The following RREB1 variants were observed in gnomAD, a reference collection of about 807,000 sequenced individuals.
RREB1 encodes the protein ras responsive element binding protein 1.
RREB1 carries 27 observed loss-of-function variants against 117.8 expected under a neutral mutation model. That is an observed-to-expected ratio of 0.23 (90% CI 0.17 to 0.32). The LOEUF (loss-of-function observed/expected upper bound fraction) is 0.32. Ranked by LOEUF, RREB1 falls within the 10% of genes least tolerant of loss-of-function variation. The pLI, the probability that RREB1 is intolerant of heterozygous loss-of-function variation, is 1.00. For missense variants in RREB1, 2,577 were observed against 2,378.2 expected, an observed-to-expected ratio of 1.08 and a Z score of -1.74; for synonymous variants, 1,298 against 1,026.7, an observed-to-expected ratio of 1.26 and a Z score of -5.05.
At chr6:7,180,765 G>A (rs200594951) in intron 2 of RREB1, among the ~76,000 whole-genome samples, 1 of 152,224 alleles carries the variant, frequency 6.6e-6, no homozygotes, top group East Asian at 1.9e-4. Flanking sequence ...GTCACTTTTA[G>A]ATAAAGGCGT....
At chr6:7,176,249 C>T (rs1275355277) in intron 1 of RREB1, among the ~76,000 whole-genome samples, 1 of 152,154 alleles carries the variant, frequency 6.6e-6, no homozygotes, top group African/African-American at 2.4e-5. Flanking sequence ...TCTTATTTTT[C>T]CCCCTCTGTT....
In RREB1 at chr6:7,186,665, T is replaced by C. The variant is rs147497534; in HGVS notation, c.172-769T>C. On this transcript the variant is annotated intron_variant, in intron 4 of 12. Transcript: ENST00000379938. Reference sequence around the variant, plus strand: ...AAGAGGATCTGTAGCATAGGGTTAGTGAACGACATTGGCTTTTTCTGAAAA... The same window carrying C: ...AAGAGGATCTGTAGCATAGGGTTAGCGAACGACATTGGCTTTTTCTGAAAA... Among the ~76,000 whole-genome samples, 272 of 152,324 alleles carry C rather than the reference T, an allele frequency of 1.8e-3. 1 individual carries two copies. Among genetic ancestry groups the C allele is most frequent in the African/African-American group, 5.9e-3 (247 of 41,570 alleles).
intron 2 of RREB1, among the ~76,000 whole-genome samples, chr6:7,180,780 C>T (rs754584213): frequency 3.3e-4 from 50 of 152,130 alleles, no homozygotes; most frequent in Admixed American, 9.2e-4. Flanking sequence ...AGGCGTGAGA[C>T]GGGTCAAGTG....
At chr6:7,221,090 T>C (rs1349402656) in intron 8 of RREB1, among the ~76,000 whole-genome samples, 1 of 152,086 alleles carries the variant, frequency 6.6e-6, no homozygotes, top group Non-Finnish European at 1.5e-5. Flanking sequence ...TGTTTCTGGG[T>C]GGTGGTTTTC....
chr6:7,176,404 G>T (rs535466600), intron 1 of RREB1, among the ~76,000 whole-genome samples: 2 of 152,114 alleles, frequency 1.3e-5, no homozygotes, highest in African/African-American at 2.4e-5. Context: ...TGCCCTTGAC[G>T]TTATTGGAAT....
chr6:7,137,503 A>T (rs1355736420), intron 1 of RREB1, among the ~76,000 whole-genome samples: 2 of 152,250 alleles, frequency 1.3e-5, no homozygotes, highest in Admixed American at 6.5e-5. Context: ...TATGATATGC[A>T]TGCGCATTTT....
intron 6 of RREB1, among the ~76,000 whole-genome samples, chr6:7,194,018 AT>A (rs1202769681): frequency 9.2e-5 from 14 of 152,028 alleles, no homozygotes; most frequent in Non-Finnish European, 1.6e-4. Context: ...ATAGAACGTT[AT>A]TTTCAATGTT....
Position 7,164,215 on chromosome 6 carries a change from G to A in RREB1, c.-284-12440G>A, listed in dbSNP as rs943668066. 3.9e-5 allele frequency among the ~76,000 whole-genome samples: 6 copies of A among 152,286 alleles called. No homozygotes were observed. The South Asian group carries it at 1.2e-3, about 32-fold the overall frequency. ...GAAATTCAGATTGTGGACTCATTCT[G>A]TAAGCTGGCTTCTGTTCCTCACCTC... is the stretch of plus-strand genomic sequence containing the variant. On this transcript the variant is annotated intron_variant, in intron 1 of 12. Transcript: ENST00000379938.
At chr6:7,197,941 T>C (rs1765751279) in intron 6 of RREB1, among the ~76,000 whole-genome samples, 1 of 152,238 alleles carries the variant, frequency 6.6e-6, no homozygotes, top group South Asian at 2.1e-4. Flanking sequence ...TACTCTAAGA[T>C]GCTTAGGCTA....
At chr6:7,235,183 A>G (rs1768240556) in intron 10 of RREB1, among the ~76,000 whole-genome samples, 1 of 152,200 alleles carries the variant, frequency 6.6e-6, no homozygotes, top group African/African-American at 2.4e-5. Flanking sequence ...AAATCATGTT[A>G]TATGGAGCAC....
At chr6:7,138,795 T>C (rs1762445420) in intron 1 of RREB1, among the ~76,000 whole-genome samples, 1 of 152,244 alleles carries the variant, frequency 6.6e-6, no homozygotes, top group South Asian at 2.1e-4. Context: ...TGACACTTTT[T>C]TTGTTTTGTT....
chr6:7,217,122 T>G lies in RREB1; in HGVS notation c.707+5413T>G, dbSNP rs762140118. ...GTTGCTCGCAGCAACTGGGAGAGATTAGTGCAGCTGTCGGATGTCAGTTCT... is the reference window on the plus strand; with the variant it reads ...GTTGCTCGCAGCAACTGGGAGAGATGAGTGCAGCTGTCGGATGTCAGTTCT... On this transcript the variant is annotated intron_variant, in intron 8 of 12. Coordinates refer to ENST00000379938, the MANE Select transcript of RREB1 (RefSeq NM_001003699.4). The G allele has an allele frequency of 4.6e-5, 7 of 152,362 alleles. No individual in the cohort carries two copies. In the East Asian group the frequency reaches 1.2e-3, roughly 25 times the overall value. The allele number at this position is 152,362 out of a possible 1,614,324, so 9.4% of individuals were successfully genotyped here.
At chr6:7,150,872 G>A (rs769076650) in intron 1 of RREB1, among the ~76,000 whole-genome samples, 1 of 152,256 alleles carries the variant, frequency 6.6e-6, no homozygotes, top group African/African-American at 2.4e-5. Flanking sequence ...CATCCGCCGG[G>A]TAGGCGGAGC....
chr6:7,219,949 A>T (rs1205249181), intron 8 of RREB1, among the ~76,000 whole-genome samples: 4 of 152,176 alleles, frequency 2.6e-5, no homozygotes, highest in Non-Finnish European at 4.4e-5. Context: ...GAAGGAAGGG[A>T]TGGAGGATAA....
Position 7,240,465 on chromosome 6 carries a change from G to T in RREB1, c.3836G>T (p.Cys1279Phe). The change falls in exon 11 of 13, where the codon TGC (cysteine) becomes TTC (phenylalanine). Residue 1279 changes from cysteine to phenylalanine, a missense_variant. By Grantham distance (205) the Cys-to-Phe change is radical (BLOSUM62 -2). Coordinates refer to ENST00000379938, the MANE Select transcript of RREB1 (RefSeq NM_001003699.4). The part of the protein sequence containing the change: ...TGQKPFPCQK[C>F]DAFFSTKSNC... ...CAGAAACCCTTCCCTTGTCAAAAATGCGATGCCTTCTTTTCTACCAAATCT... is the reference window on the plus strand; with the variant it reads ...CAGAAACCCTTCCCTTGTCAAAAATTCGATGCCTTCTTTTCTACCAAATCT... 6.2e-7 allele frequency: 1 copy of T among 1,613,682 alleles called. No individual in the cohort carries two copies. Among genetic ancestry groups the T allele is most frequent in the Non-Finnish European group, 8.5e-7 (1 of 1,179,798 alleles).
chr6:7,158,958 G>A (rs993826383), intron 1 of RREB1, among the ~76,000 whole-genome samples: 15 of 151,998 alleles, frequency 9.9e-5, no homozygotes, highest in African/African-American at 3.4e-4. Context: ...GACTGAGCCA[G>A]CTCACCCCTA....
intron 10 of RREB1, 132 bp from the exon 11 acceptor site, chr6:7,240,306 T>G (rs1478864374): frequency 1.8e-6 from 1 of 553,052 alleles, no homozygotes; most frequent in African/African-American, 1.9e-5. Flanking sequence ...CTAATGTGTT[T>G]TGTTAATTTT....
intron 4 of RREB1, among the ~76,000 whole-genome samples, chr6:7,186,354 G>A (rs994139485): frequency 6.6e-6 from 1 of 152,182 alleles, no homozygotes; most frequent in Admixed American, 6.5e-5. Context: ...TGGGGAGCTT[G>A]TGAGACAAAC....
intron 6 of RREB1, among the ~76,000 whole-genome samples, chr6:7,194,524 G>T (rs138243054): frequency 6.6e-6 from 1 of 152,154 alleles, no homozygotes; most frequent in Admixed American, 6.6e-5. Context: ...GCACTCCAGC[G>T]TGGGGAACAG....
Sources: allele counts gnomAD v4.1 joint callset (sites outside exome capture counted in the v4.1 genomes callset), GRCh38; gene constraint gnomAD v4.1.1; transcripts MANE v1.5; gene names NCBI Gene and HGNC (gene_info 2026-07-23, HGNC 2026-07-21).